Variants in GTF3C1 observed in about 807,000 individuals in gnomAD.
GTF3C1 encodes general transcription factor IIIC subunit 1, also known as general transcription factor 3C polypeptide 1.
In GTF3C1, 57 loss-of-function variants were observed where a neutral mutation model predicts 226.7. The ratio of observed to expected loss-of-function variants is 0.25; its 90% CI spans 0.20 to 0.31. GTF3C1 has a LOEUF of 0.31. Among genes scored for constraint, GTF3C1 ranks in the 10% least tolerant of loss-of-function variants. The probability of loss-of-function intolerance (pLI) is 1.00; values close to 1 mark genes in which losing one functional copy is unlikely to be tolerated. For missense variants in GTF3C1, 2,217 were observed against 2,776.1 expected, an observed-to-expected ratio of 0.80 and a Z score of 4.53; for synonymous variants, 1,090 against 1,084.8, an observed-to-expected ratio of 1.00 and a Z score of -0.09.
Position 27,493,136 on chromosome 16 carries a change from G to C in GTF3C1, c.2876+63C>G. 1.2e-6 allele frequency: 1 copy of C among 858,500 alleles called. No homozygotes were observed. The highest frequency in any genetic ancestry group is 2.0e-6 in the Non-Finnish European group (1 of 491,084). 53.2% of individuals were successfully genotyped at this position (858,500 alleles called of 1,614,324 possible). ...CCTCTTCCTGGTGAATGATGGCTTA[G>C]AGCCCTGACTTAAGGGTTTGTTTGG... On this transcript the variant is annotated intron_variant, in intron 17 of 36. Coordinates refer to ENST00000356183, the MANE Select transcript of GTF3C1 (RefSeq NM_001520.4).
chr16:27,520,859 C>T (rs1395614077), intron 6 of GTF3C1, among the ~76,000 whole-genome samples: 2 of 152,192 alleles, frequency 1.3e-5, no homozygotes, highest in Non-Finnish European at 2.9e-5. Flanking sequence ...GCTGGGATTA[C>T]AGGCACCTGC....
intron 29 of GTF3C1, 82 bp from the exon 30 acceptor site, chr16:27,472,002 G>A (rs1004085940): frequency 2.2e-5 from 27 of 1,240,596 alleles, no homozygotes; most frequent in South Asian, 3.8e-5. Context: ...CAGAGGCTGC[G>A]GCTGATGCTT....
chr16:27,470,104 T>C lies in GTF3C1; in HGVS notation c.4814+4A>G, dbSNP rs2087845703. 3 of 1,611,016 alleles carry C rather than the reference T, an allele frequency of 1.9e-6. No homozygotes were observed. Among genetic ancestry groups the C allele is most frequent in the East Asian group, 2.2e-5 (1 of 44,848 alleles). ...ACCTGATGCTGCGGATGCCGGACTC[T>C]TACCTTTTGATGACCTCATTCTCCA... On this transcript the variant is annotated splice_donor_region_variant and intron_variant, in intron 31 of 36. Coordinates refer to ENST00000356183, the MANE Select transcript of GTF3C1 (RefSeq NM_001520.4). The surrounding 1 kb of genome is among the most constrained non-coding windows in gnomAD (Gnocchi z 4.9).
chr16:27,527,285 G>A (rs1008866500), intron 6 of GTF3C1, among the ~76,000 whole-genome samples: 1 of 152,228 alleles, frequency 6.6e-6, no homozygotes, highest in Non-Finnish European at 1.5e-5. Context: ...AGGTTCAAGC[G>A]ATTCTCCTGC....
Position 27,483,380 on chromosome 16 carries a change from C to A in GTF3C1, c.4002-255G>T, listed in dbSNP as rs775777515. On this transcript the variant is annotated intron_variant, in intron 25 of 36. Coordinates refer to ENST00000356183, the MANE Select transcript of GTF3C1 (RefSeq NM_001520.4). Reference sequence around the variant, plus strand: ...CGTCCTTCATAGGTAACCGAGAACACTGAGTCCCAAACTGTCTCTCACAGG... The same window carrying A: ...CGTCCTTCATAGGTAACCGAGAACAATGAGTCCCAAACTGTCTCTCACAGG... 19 of 609,894 alleles carry A rather than the reference C, an allele frequency of 3.1e-5. 1 individual carries two copies. Among genetic ancestry groups the A allele is most frequent in the South Asian group, 2.3e-4 (15 of 65,980 alleles). The allele number at this position is 609,894 out of a possible 1,614,324, so 37.8% of individuals were successfully genotyped here.
chr16:27,539,931 C>A (rs28411290), intron 2 of GTF3C1, among the ~76,000 whole-genome samples: 94 of 152,122 alleles, frequency 6.2e-4, no homozygotes, highest in African/African-American at 2.2e-3. Context: ...AGGAAATGGC[C>A]CAAGGTAGAG....
At position 27,538,375 on chromosome 16, in the gene GTF3C1, C is replaced by G. The variant is rs779818202; in HGVS notation, c.432-19G>C. The G allele has an allele frequency of 1.4e-6, 2 of 1,468,710 alleles. No individual in the cohort carries two copies. The highest frequency in any genetic ancestry group is 2.9e-5 in the African/African-American group (2 of 69,992). 91.0% of individuals were successfully genotyped at this position (1,468,710 alleles called of 1,614,324 possible). On this transcript the variant is annotated intron_variant, in intron 2 of 36. Coordinates refer to ENST00000356183, the MANE Select transcript of GTF3C1 (RefSeq NM_001520.4). ...CCCCCACCTGCAAATCGGAAACAATCGCATGAAGAAATAAGTTTAACTGAT... is the reference window on the plus strand; with the variant it reads ...CCCCCACCTGCAAATCGGAAACAATGGCATGAAGAAATAAGTTTAACTGAT...
rs1167193944 is a variant in GTF3C1, at chr16:27,484,245, T to C, written c.3967A>G (p.Ile1323Val). The C allele has an allele frequency of 1.9e-6, 3 of 1,609,150 alleles. No homozygotes were observed. The highest frequency in any genetic ancestry group is 1.3e-5 in the African/African-American group (1 of 74,804). ...SHSVGRRARY[I>V]VKNPQAYLNY... is the part of the protein sequence containing the mutation. ...AGATAGGCCTGTGGGTTTTTGACTA[T>C]GTAGCGAGCTCTTCGTCCAACGGAA... Residue 1323 changes from isoleucine (I) to valine (V), a missense_variant, in exon 25 of 37, where the codon ATA (isoleucine) becomes GTA (valine). Ile to Val is a conservative substitution (Grantham distance 29). Coordinates refer to ENST00000356183, the MANE Select transcript of GTF3C1 (RefSeq NM_001520.4).
chr16:27,528,986 G>C (rs2088874689), intron 5 of GTF3C1, among the ~76,000 whole-genome samples: 1 of 152,164 alleles, frequency 6.6e-6, no homozygotes, highest in Admixed American at 6.5e-5. Context: ...GAATGAGGCA[G>C]GCAGGAGTGG....
intron 29 of GTF3C1, among the ~76,000 whole-genome samples, chr16:27,473,779 C>T (rs2087911387): frequency 6.6e-6 from 1 of 152,188 alleles, no homozygotes; most frequent in South Asian, 2.1e-4. Flanking sequence ...TGCGCCAGTC[C>T]TGGGCATGCA....
intron 24 of GTF3C1, among the ~76,000 whole-genome samples, chr16:27,485,508 A>G (rs1048296889): frequency 6.6e-6 from 1 of 152,220 alleles, no homozygotes; most frequent in African/African-American, 2.4e-5. Context: ...AGTTACAGGA[A>G]GGTAAATTGG....
Position 27,483,026 on chromosome 16 carries a change from C to T in GTF3C1, c.4083+18G>A. On this transcript the variant is annotated intron_variant, in intron 26 of 36. Transcript: ENST00000356183. Reference sequence around the variant, plus strand: ...AATCTCCCAAGCATACCAAGCCCTACACTCACACAGGACCTACCTTTGGGT... The same window carrying T: ...AATCTCCCAAGCATACCAAGCCCTATACTCACACAGGACCTACCTTTGGGT... 2 of 1,610,334 alleles carry T rather than the reference C, an allele frequency of 1.2e-6. No individual in the cohort carries two copies. Among genetic ancestry groups the T allele is most frequent in the South Asian group, 2.2e-5 (2 of 90,906 alleles).
At chr16:27,521,944 G>A (rs1189455033) in intron 6 of GTF3C1, among the ~76,000 whole-genome samples, 2 of 151,544 alleles carry the variant, frequency 1.3e-5, no homozygotes, top group African/African-American at 4.9e-5. Context: ...TTTATTTGTT[G>A]CATTTTAATC....
At chr16:27,486,431 C>A (rs1029601055) in intron 23 of GTF3C1, among the ~76,000 whole-genome samples, 3 of 152,120 alleles carry the variant, frequency 2.0e-5, no homozygotes, top group African/African-American at 7.2e-5. Context: ...TGGTTATCTG[C>A]CAATCTCCAA....
intron 6 of GTF3C1, among the ~76,000 whole-genome samples, chr16:27,512,978 A>C (rs555475129): frequency 1.3e-5 from 2 of 152,332 alleles, no homozygotes; most frequent in Admixed American, 6.5e-5. Context: ...CACCCTGTAA[A>C]GATGTTCACG....
chr16:27,497,588 A>C (rs759299632), intron 14 of GTF3C1, 49 bp downstream of exon 14: 3 of 1,491,752 alleles, frequency 2.0e-6, no homozygotes, highest in East Asian at 4.5e-5. Context: ...ATTGTCATAC[A>C]AACAACAAAT....
chr16:27,540,047 G>A (rs772112375), intron 2 of GTF3C1, among the ~76,000 whole-genome samples: 13 of 152,220 alleles, frequency 8.5e-5, no homozygotes, highest in Non-Finnish European at 1.8e-4. Flanking sequence ...CTCAGCCCTA[G>A]TATTTGCAGA....
At position 27,549,654 on chromosome 16, in the gene GTF3C1, C is replaced by T. The variant is rs1596673357; in HGVS notation, c.221+16G>A. On this transcript the variant is annotated intron_variant, in intron 1 of 36. Coordinates refer to ENST00000356183, the MANE Select transcript of GTF3C1 (RefSeq NM_001520.4). ...GCGCCCGCCCGCCCGCCCGCCAGGC[C>T]AGGCCGCCCGCTGACCGGTCCTGGA... 1 of 1,434,158 alleles carries T rather than the reference C, an allele frequency of 7.0e-7. No individual in the cohort carries two copies. Among genetic ancestry groups the T allele is most frequent in the Non-Finnish European group, 9.5e-7 (1 of 1,053,834 alleles). 88.8% of individuals were successfully genotyped at this position (1,434,158 alleles called of 1,614,324 possible). A position where few individuals can be genotyped will look rare whatever the true frequency, so the allele number is the denominator to read the frequency against.
At chr16:27,533,143 GA>G in intron 5 of GTF3C1, 147 bp downstream of exon 5, 8 of 528,090 alleles carry the variant, frequency 1.5e-5, no homozygotes, top group Non-Finnish European at 2.7e-5. Context: ...AAAAAGAAAA[GA>G]AAAAAACAGC....
Sources: allele counts gnomAD v4.1 joint callset (sites outside exome capture counted in the v4.1 genomes callset), GRCh38; gene constraint gnomAD v4.1.1; non-coding constraint Gnocchi (gnomAD v3.1); transcripts MANE v1.5; gene names NCBI Gene and HGNC (gene_info 2026-07-23, HGNC 2026-07-21).